GABPA: variants seen among roughly 807,000 people sequenced by gnomAD.
GABPA encodes the protein GA-binding protein alpha chain.
In GABPA, 4 loss-of-function variants were observed where a neutral mutation model predicts 59.4. The ratio of observed to expected loss-of-function variants is 0.07; its 90% CI spans 0.03 to 0.15. The LOEUF is 0.15. GABPA is among the 10% of genes least tolerant of loss of function. The probability of loss-of-function intolerance (pLI) is 1.00; values close to 1 mark genes in which losing one functional copy is unlikely to be tolerated. For missense variants in GABPA, 251 were observed against 543.8 expected (o/e 0.46, Z 5.36); for synonymous variants, 164 against 183.1 (o/e 0.90, Z 0.84).
At chr21:25,748,226 C>G (rs1157106834) in intron 3 of GABPA, among the ~76,000 whole-genome samples, 2 of 152,082 alleles carry the variant, frequency 1.3e-5, no homozygotes, top group Admixed American at 6.6e-5. Flanking sequence ...TGTCTTCTCC[C>G]CTGTTCAAGT....
intron 4 of GABPA, among the ~76,000 whole-genome samples, chr21:25,749,383 A>C (rs988979358): frequency 6.6e-5 from 10 of 152,180 alleles, no homozygotes; most frequent in African/African-American, 2.4e-4. Flanking sequence ...AGCAGGTTGC[A>C]GCTGACTTCC....
At chr21:25,741,191 G>A (rs186254908) in intron 1 of GABPA, among the ~76,000 whole-genome samples, 4 of 152,166 alleles carry the variant, frequency 2.6e-5, no homozygotes, top group East Asian at 1.9e-4. Context: ...GCAGTGGTGC[G>A]ATCATGGCTC....
At chr21:25,764,849 T>G (rs2035851971) in intron 9 of GABPA, 62 bp downstream of exon 9, 1 of 1,226,998 alleles carries the variant, frequency 8.1e-7, no homozygotes, top group African/African-American at 1.6e-5. Context: ...AAATAGTTTC[T>G]TATTCTAGAT....
rs553211173 is a variant in GABPA, at chr21:25,771,593, C to A, written c.*2361C>A. On this transcript the variant is annotated 3_prime_UTR_variant, in exon 10 of 10. Transcript: ENST00000400075. Reference sequence around the variant, plus strand: ...CAGTTATCAGAAAGGTAGTTTTTTTCTTCTATTAAAATATAACATTGTGAA... The same window carrying A: ...CAGTTATCAGAAAGGTAGTTTTTTTATTCTATTAAAATATAACATTGTGAA... 6.6e-6 allele frequency: 1 copy of A among 151,634 alleles called. No individual in the cohort carries two copies. The highest frequency in any genetic ancestry group is 2.4e-5 in the African/African-American group (1 of 41,462). The allele number at this position is 151,634 out of a possible 1,614,324, so 9.4% of individuals were successfully genotyped here.
rs1051313781 is a variant in GABPA, at chr21:25,769,482, G to A, written c.*250G>A. The A allele has an allele frequency of 2.5e-6, 1 of 402,184 alleles. No homozygotes were observed. The highest frequency in any genetic ancestry group is 3.9e-5 in the Admixed American group (1 of 25,910). 24.9% of individuals were successfully genotyped at this position (402,184 alleles called of 1,614,324 possible). On this transcript the variant is annotated 3_prime_UTR_variant, in exon 10 of 10. Transcript: ENST00000400075. ...GTGAAGGCAGGTTCATTGTGGAATA[G>A]TTTAACAGTCAGGAAGGCTAAACTG...
intron 4 of GABPA, among the ~76,000 whole-genome samples, chr21:25,750,713 C>T (rs1245128924): frequency 2.0e-5 from 3 of 152,164 alleles, no homozygotes; most frequent in Non-Finnish European, 4.4e-5. Context: ...TACTTCTGAT[C>T]CTTAATTCCC....
intron 9 of GABPA, 23 bp downstream of exon 9, chr21:25,764,810 T>TC (rs1568953528): frequency 3.4e-6 from 5 of 1,490,226 alleles, no homozygotes; most frequent in Non-Finnish European, 4.5e-6. Flanking sequence ...TACTTTTTTT[T>TC]CTGTTATCAA....
At chr21:25,751,076 T>C (rs1348633307) in intron 4 of GABPA, among the ~76,000 whole-genome samples, 3 of 152,076 alleles carry the variant, frequency 2.0e-5, no homozygotes, top group African/African-American at 7.2e-5. Context: ...ACAGAAGCAG[T>C]TATGTAATAT....
intron 9 of GABPA, among the ~76,000 whole-genome samples, 192 bp from the exon 10 acceptor site, chr21:25,768,812 T>A (rs2146107787): frequency 6.6e-6 from 1 of 152,304 alleles, no homozygotes; most frequent in Admixed American, 6.5e-5. Flanking sequence ...TAGTGAGCAT[T>A]GAAATTTTAG....
chr21:25,764,908 T>C, intron 9 of GABPA, 121 bp downstream of exon 9: 1 of 668,662 alleles, frequency 1.5e-6, no homozygotes, highest in Non-Finnish European at 2.3e-6. Context: ...TTATGTTTTT[T>C]TCTTTACATA....
chr21:25,739,092 C>G (rs189386259), intron 1 of GABPA, among the ~76,000 whole-genome samples: 1 of 152,304 alleles, frequency 6.6e-6, no homozygotes, highest in Admixed American at 6.5e-5. Flanking sequence ...ATGCGTCCAT[C>G]CCAGTGGAGA....
intron 9 of GABPA, among the ~76,000 whole-genome samples, chr21:25,767,400 C>A (rs567994674): frequency 6.6e-6 from 1 of 151,832 alleles, no homozygotes; most frequent in East Asian, 1.9e-4. Flanking sequence ...GAAATCATAT[C>A]CATGAAATAC....
At chr21:25,745,454 A>C in intron 3 of GABPA, 100 bp downstream of exon 3, 1 of 1,129,340 alleles carries the variant, frequency 8.9e-7, no homozygotes, top group Non-Finnish European at 1.3e-6. Context: ...TATCTCTGTA[A>C]GAAGATTTGA....
At chr21:25,757,694 A>G (rs1370915231) in intron 5 of GABPA, among the ~76,000 whole-genome samples, 1 of 152,076 alleles carries the variant, frequency 6.6e-6, no homozygotes, top group Non-Finnish European at 1.5e-5. Flanking sequence ...TCTCTCCAGA[A>G]TAATCTCATA....
At chr21:25,757,684 T>A (rs1325046190) in intron 5 of GABPA, among the ~76,000 whole-genome samples, 2 of 152,116 alleles carry the variant, frequency 1.3e-5, no homozygotes, top group African/African-American at 4.8e-5. Flanking sequence ...TTTACTTTAT[T>A]CTCTCCAGAA....
chr21:25,761,673 A>G (rs2035769535), intron 6 of GABPA, among the ~76,000 whole-genome samples: 1 of 152,238 alleles, frequency 6.6e-6, no homozygotes, highest in Admixed American at 6.5e-5. Context: ...GAGGTAAAGA[A>G]TAACATCTAA....
intron 9 of GABPA, among the ~76,000 whole-genome samples, chr21:25,765,418 T>G (rs1204048792): frequency 6.6e-6 from 1 of 151,992 alleles, no homozygotes; most frequent in South Asian, 2.1e-4. Context: ...TTTTACTGCT[T>G]CTTCATGTTT....
intron 5 of GABPA, among the ~76,000 whole-genome samples, chr21:25,754,563 C>T (rs2035587725): frequency 6.6e-6 from 1 of 152,028 alleles, no homozygotes; most frequent in Non-Finnish European, 1.5e-5. Flanking sequence ...GCATTCTGAT[C>T]TTATATTGCC....
At position 25,751,314 on chromosome 21, in the gene GABPA, A is replaced by T. The variant is rs973786427; in HGVS notation, c.308-675A>T. On this transcript the variant is annotated intron_variant, in intron 4 of 9. Transcript: ENST00000400075. ...AACTATCCAGAATTAAATCAAAATC[A>T]GAATTTTGATTTAATTCTGGATAGT... is the stretch of plus-strand genomic sequence containing the variant. 1.5e-4 allele frequency among the ~76,000 whole-genome samples: 23 copies of T among 151,542 alleles called. No homozygotes were observed. The East Asian group carries it at 4.2e-3, about 28-fold the overall frequency.
Sources: gnomAD v4.1 joint callset for allele counts (sites outside exome capture counted in the v4.1 genomes callset) on GRCh38, gnomAD v4.1.1 for gene constraint, MANE v1.5 for transcripts, NCBI Gene and HGNC (gene_info 2026-07-23, HGNC 2026-07-21) for gene names.